The following AUTS2 variants were observed in gnomAD, a reference collection of about 807,000 sequenced individuals.
The protein encoded by AUTS2 is activator of transcription and developmental regulator AUTS2, also known as autism susceptibility gene 2 protein.
Under a neutral mutation model 112.4 loss-of-function variants are expected in AUTS2, and 17 were observed. That is an observed-to-expected ratio of 0.15 (90% CI 0.10 to 0.23). The LOEUF (loss-of-function observed/expected upper bound fraction) is 0.23, where lower values mean the gene tolerates loss of function less well. Among genes scored for constraint, AUTS2 ranks in the 10% least tolerant of loss-of-function variants. The pLI is 1.00. For missense variants in AUTS2, 1,510 were observed against 1,701.6 expected (o/e 0.89, Z 1.98); for synonymous variants, 751 against 702.7 (o/e 1.07, Z -1.09).
At position 70,656,753 on chromosome 7, in the gene AUTS2, G is replaced by A. The variant is rs1009174038; in HGVS notation, c.691-41816G>A. Among the ~76,000 whole-genome samples the A allele has an allele frequency of 4.6e-5, 7 of 152,122 alleles. No individual in the cohort carries two copies. In the East Asian group the frequency reaches 1.3e-3, roughly 29 times the overall value. ...CAGTGTCTATGGCAGCATGCAATAG[G>A]ATTACAGGAGGACATCGTAGCCACA... On this transcript the variant is annotated intron_variant, in intron 5 of 18. Coordinates refer to ENST00000342771, the MANE Select transcript of AUTS2 (RefSeq NM_015570.4).
At chr7:70,640,864 C>G (rs553346819) in intron 5 of AUTS2, among the ~76,000 whole-genome samples, 1 of 152,180 alleles carries the variant, frequency 6.6e-6, no homozygotes, top group African/African-American at 2.4e-5. Context: ...GAGCCCACGC[C>G]GTCATCCCTT....
chr7:70,665,623 G>A (rs1440510420), intron 5 of AUTS2, among the ~76,000 whole-genome samples: 1 of 152,118 alleles, frequency 6.6e-6, no homozygotes, highest in Admixed American at 6.6e-5. Context: ...CTTTAGTGAG[G>A]TAGCATTCCA....
At chr7:70,350,339 G>A (rs983164884) in intron 4 of AUTS2, among the ~76,000 whole-genome samples, 1 of 152,138 alleles carries the variant, frequency 6.6e-6, no homozygotes, top group East Asian at 1.9e-4. Context: ...TACTCTGGGT[G>A]TATTATTTCC....
At chr7:69,655,388 G>A (rs201256981) in intron 1 of AUTS2, among the ~76,000 whole-genome samples, 1 of 12,890 alleles carries the variant, frequency 7.8e-5, no homozygotes, top group Non-Finnish European at 1.7e-4. Flanking sequence ...CTAGTTTTTT[G>A]TTGTTGTTGT....
chr7:69,694,812 TTGAC>T (rs1201463111), intron 1 of AUTS2, among the ~76,000 whole-genome samples: 7 of 152,224 alleles, frequency 4.6e-5, no homozygotes, highest in Non-Finnish European at 4.4e-5. Context: ...TATTTATAGT[TTGAC>T]TGTAGGTATG....
intron 5 of AUTS2, among the ~76,000 whole-genome samples, chr7:70,646,013 C>G (rs767238395): frequency 6.6e-6 from 1 of 152,134 alleles, no homozygotes; most frequent in East Asian, 1.9e-4. Context: ...CATGCTTTAG[C>G]GAGGCGATAA....
intron 14 of AUTS2, 62 bp from the exon 15 acceptor site, chr7:70,781,553 C>T (rs1270601042): frequency 8.2e-6 from 13 of 1,580,620 alleles, no homozygotes; most frequent in African/African-American, 1.4e-5. Flanking sequence ...TCCAGCTCTT[C>T]ACTAACACCT....
intron 6 of AUTS2, among the ~76,000 whole-genome samples, chr7:70,732,894 T>A (rs541713178): frequency 6.6e-6 from 1 of 152,232 alleles, no homozygotes; most frequent in African/African-American, 2.4e-5. Context: ...ACACTTGAGG[T>A]AGATGTGGCA....
At chr7:70,272,346 A>G (rs979097724) in intron 4 of AUTS2, among the ~76,000 whole-genome samples, 1 of 152,146 alleles carries the variant, frequency 6.6e-6, no homozygotes, top group Non-Finnish European at 1.5e-5. Context: ...TCTCTTCTGT[A>G]ATTTTTAAAC....
intron 1 of AUTS2, among the ~76,000 whole-genome samples, chr7:69,789,033 T>G (rs1204037238): frequency 6.6e-6 from 1 of 152,136 alleles, no homozygotes; most frequent in African/African-American, 2.4e-5. Context: ...ATGCAAGTCT[T>G]TAGGCAAGGA....
intron 4 of AUTS2, among the ~76,000 whole-genome samples, chr7:70,418,829 A>G (rs144108827): frequency 6.6e-6 from 1 of 151,964 alleles, no homozygotes; most frequent in African/African-American, 2.4e-5. Flanking sequence ...AGAAATAAAC[A>G]GTGTTTGGTG....
chr7:70,241,070 C>A (rs1324636619), intron 4 of AUTS2, among the ~76,000 whole-genome samples: 2 of 152,182 alleles, frequency 1.3e-5, no homozygotes, highest in African/African-American at 4.8e-5. Flanking sequence ...AATTGGGAAG[C>A]CTTCCCAGTC....
intron 5 of AUTS2, among the ~76,000 whole-genome samples, chr7:70,662,312 C>T (rs892521032): frequency 2.6e-5 from 4 of 152,212 alleles, no homozygotes; most frequent in African/African-American, 9.7e-5. Flanking sequence ...GGAACAGGCA[C>T]CACCACCCTG....
At chr7:70,763,631 G>A (rs1379632447) in intron 7 of AUTS2, among the ~76,000 whole-genome samples, 1 of 152,128 alleles carries the variant, frequency 6.6e-6, no homozygotes, top group African/African-American at 2.4e-5. Context: ...CTGGGCCAGG[G>A]AGACCCAGCA....
At chr7:69,980,229 C>G (rs544354311) in intron 2 of AUTS2, among the ~76,000 whole-genome samples, 1 of 152,112 alleles carries the variant, frequency 6.6e-6, no homozygotes, top group South Asian at 2.1e-4. Flanking sequence ...ATTACAGGCA[C>G]CTGCCACCAT....
chr7:70,110,081 TTGTTAAGTTC>T (rs1211832800), intron 2 of AUTS2, among the ~76,000 whole-genome samples: 1 of 152,212 alleles, frequency 6.6e-6, no homozygotes, highest in African/African-American at 2.4e-5. Context: ...CAGTAGAACA[TTGTTAAGTTC>T]TGCTGTCTGG....
rs776135843 is a variant in AUTS2 at position 70,781,668 on chromosome 7, C to T, written c.2058C>T (p.Phe686=). ...TGGACTTTGGACTGAAACCTGAGTT[C>T]CTGAGCCGCCCTCCAGGCCCCAGTC... ...HKLDFGLKPE[F]LSRPPGPSLF... is the part of the protein sequence containing the mutation. The change falls in exon 15 of 19, where the codon TTC becomes TTT. Residue 686 remains phenylalanine (F), a synonymous_variant. Coordinates refer to ENST00000342771, the MANE Select transcript of AUTS2 (RefSeq NM_015570.4). The T allele has an allele frequency of 6.2e-7, 1 of 1,614,170 alleles. No individual in the cohort carries two copies. Among genetic ancestry groups the T allele is most frequent in the South Asian group, 1.1e-5 (1 of 91,080 alleles).
intron 2 of AUTS2, among the ~76,000 whole-genome samples, chr7:69,999,476 A>T (rs766382466): frequency 6.6e-6 from 1 of 152,224 alleles, no homozygotes; most frequent in Non-Finnish European, 1.5e-5. Flanking sequence ...CTGAAGTACC[A>T]CATAAATATG....
intron 2 of AUTS2, among the ~76,000 whole-genome samples, chr7:70,034,639 G>T (rs891454452): frequency 6.6e-6 from 1 of 152,094 alleles, no homozygotes; most frequent in Non-Finnish European, 1.5e-5. Context: ...TCACTGTCTT[G>T]TTCTACCAAT....
Sources: allele counts gnomAD v4.1 joint callset (sites outside exome capture counted in the v4.1 genomes callset), GRCh38; gene constraint gnomAD v4.1.1; transcripts MANE v1.5; gene names NCBI Gene and HGNC (gene_info 2026-07-23, HGNC 2026-07-21).